The following MRC1 variants were observed in gnomAD, a reference collection of about 807,000 sequenced individuals.
MRC1 encodes mannose receptor C-type 1, also known as macrophage mannose receptor 1.
In MRC1, 62 loss-of-function variants were observed where a neutral mutation model predicts 102.9. The observed-to-expected ratio is 0.60, with a 90% CI of 0.49 to 0.74. The LOEUF is 0.74. Ranked by LOEUF, MRC1 falls within the 30% of genes least tolerant of loss-of-function variation. The pLI is 0.00. For missense variants in MRC1, 1,237 were observed against 862.8 expected, an observed-to-expected ratio of 1.43 and a Z score of -5.43; for synonymous variants, 457 against 298.4, an observed-to-expected ratio of 1.53 and a Z score of -5.48.
rs1211823339 is a variant in MRC1, at chr10:17,840,977, T to A, written c.916+171T>A. On this transcript the variant is annotated intron_variant, in intron 5 of 29. Transcript: ENST00000569591. ...CTATGCTAGATTTCCATTTACTGAATTGTAAGGTTATACCAGCTTCCTGGG... is the reference window on the plus strand; with the variant it reads ...CTATGCTAGATTTCCATTTACTGAAATGTAAGGTTATACCAGCTTCCTGGG... 7.9e-5 allele frequency among the ~76,000 whole-genome samples: 12 copies of A among 152,344 alleles called. No homozygotes were observed. The East Asian group carries it at 2.3e-3, about 29-fold the overall frequency.
chr10:17,809,457 C>A lies in MRC1; in HGVS notation c.-9C>A, dbSNP rs1007341911. On this transcript the variant is annotated 5_prime_UTR_variant, in exon 1 of 30. Coordinates refer to ENST00000569591, the MANE Select transcript of MRC1 (RefSeq NM_002438.4). Reference sequence around the variant, plus strand: ...TCCATCAGGAGAAGGAAAGGATAAACCCTGGGCCATGAGGCTACCCCTGCT... The same window carrying A: ...TCCATCAGGAGAAGGAAAGGATAAAACCTGGGCCATGAGGCTACCCCTGCT... The A allele has an allele frequency of 6.1e-5, 53 of 872,612 alleles. No individual in the cohort carries two copies. Among genetic ancestry groups the A allele is most frequent in the Middle Eastern group, 2.2e-4 (1 of 4,626 alleles). The allele number at this position is 872,612 out of a possible 1,614,324, so 54.1% of individuals were successfully genotyped here. A position where few individuals can be genotyped will look rare whatever the true frequency, so the allele number is the denominator to read the frequency against.
chr10:17,830,402 G>A (rs1206703125), intron 3 of MRC1, among the ~76,000 whole-genome samples: 1 of 151,400 alleles, frequency 6.6e-6, no homozygotes, highest in African/African-American at 2.5e-5. Flanking sequence ...AAAGTGTTGG[G>A]ATTACAGGTG....
chr10:17,817,096 A>C (rs950055584), intron 1 of MRC1, among the ~76,000 whole-genome samples: 8 of 151,938 alleles, frequency 5.3e-5, no homozygotes, highest in Non-Finnish European at 8.8e-5. Flanking sequence ...AAAAATACAA[A>C]AATTAGCTGG....
intron 11 of MRC1, among the ~76,000 whole-genome samples, chr10:17,864,599 C>G (rs1485148974): frequency 1.3e-5 from 2 of 151,876 alleles, no homozygotes; most frequent in Non-Finnish European, 2.9e-5. Context: ...GAGGCAGAGG[C>G]GGGCAGATCA....
At chr10:17,811,518 A>ACC (rs58447754) in intron 1 of MRC1, among the ~76,000 whole-genome samples, 6 of 150,956 alleles carry the variant, frequency 4.0e-5, no homozygotes, top group East Asian at 2.0e-4. Context: ...AATTCAAGGG[A>ACC]CCCCCCTTCC....
chr10:17,901,917 TAC>T, intron 25 of MRC1, 54 bp from the exon 26 acceptor site: 1 of 780,840 alleles, frequency 1.3e-6, no homozygotes, highest in Non-Finnish European at 2.4e-6. Context: ...TGTATGATGC[TAC>T]ACACTACAGA....
Position 17,898,290 on chromosome 10 carries a change from A to G in MRC1, c.3483+24A>G. 3.8e-6 allele frequency: 3 copies of G among 780,786 alleles called. No homozygotes were observed. In the East Asian group the frequency reaches 7.3e-5, roughly 19 times the overall value. The allele number at this position is 780,786 out of a possible 1,614,324, so 48.4% of individuals were successfully genotyped here. On this transcript the variant is annotated intron_variant, in intron 24 of 29. Coordinates refer to ENST00000569591, the MANE Select transcript of MRC1 (RefSeq NM_002438.4). ...TGGTAAGATGCTGGAAATATGTGCA[A>G]CTTGACATGATCAGTGAATTATGGT...
intron 1 of MRC1, among the ~76,000 whole-genome samples, chr10:17,812,745 C>G (rs1838244238): frequency 6.6e-6 from 1 of 151,620 alleles, no homozygotes; most frequent in Non-Finnish European, 1.5e-5. Flanking sequence ...CTAATTTTTT[C>G]TATTTTTAGT....
intron 1 of MRC1, among the ~76,000 whole-genome samples, chr10:17,811,993 C>A (rs139798921): frequency 6.6e-6 from 1 of 152,146 alleles, no homozygotes; most frequent in Non-Finnish European, 1.5e-5. Context: ...TATGCGAAGC[C>A]CCAACACCTC....
At chr10:17,852,798 G>T (rs1386715555) in intron 7 of MRC1, among the ~76,000 whole-genome samples, 169 bp from the exon 8 acceptor site, 7 of 152,230 alleles carry the variant, frequency 4.6e-5, no homozygotes, top group Admixed American at 1.3e-4. Context: ...CATCTAAGTC[G>T]ACAGCATGTA....
intron 10 of MRC1, among the ~76,000 whole-genome samples, chr10:17,862,572 A>G (rs1393971008): frequency 1.3e-5 from 2 of 152,084 alleles, no homozygotes; most frequent in South Asian, 2.1e-4. Context: ...ATCTTCTGTA[A>G]TATTTATACT....
At position 17,866,542 on chromosome 10, in the gene MRC1, A is replaced by T. The variant is rs782566500; in HGVS notation, c.1784-20A>T. On this transcript the variant is annotated intron_variant, in intron 11 of 29. Transcript: ENST00000569591. ...AGCAGGCACCTGTCAAGTGAATTCT[A>T]CTTCATATATTTAATGCAGGGCGAA... The T allele has an allele frequency of 1.3e-6, 1 of 780,800 alleles. No individual in the cohort carries two copies. The highest frequency in any genetic ancestry group is 2.4e-5 in the East Asian group (1 of 41,240). 48.4% of individuals were successfully genotyped at this position (780,800 alleles called of 1,614,324 possible). A position where few individuals can be genotyped will look rare whatever the true frequency, so the allele number is the denominator to read the frequency against.
intron 6 of MRC1, 63 bp downstream of exon 6, chr10:17,845,498 A>G: frequency 2.6e-6 from 2 of 776,880 alleles, no homozygotes; most frequent in African/African-American, 1.7e-5. Context: ...GTAACATTAC[A>G]GCTTAGGTGT....
At chr10:17,819,252 A>G (rs2130583142) in intron 1 of MRC1, among the ~76,000 whole-genome samples, 1 of 152,322 alleles carries the variant, frequency 6.6e-6, no homozygotes, top group African/African-American at 2.4e-5. Context: ...TATATTAGGT[A>G]GGTTTTGCAA....
At chr10:17,861,016 A>G (rs1383841464) in intron 9 of MRC1, among the ~76,000 whole-genome samples, 1 of 152,212 alleles carries the variant, frequency 6.6e-6, no homozygotes, top group African/African-American at 2.4e-5. Flanking sequence ...GTATTAAAAT[A>G]TTATTTTCTA....
At position 17,881,670 on chromosome 10, in the gene MRC1, A is replaced by ATTTTTTT. The variant is rs1184943960; in HGVS notation, c.2980+506_2980+512dup. On this transcript the variant is annotated intron_variant, in intron 21 of 29. Coordinates refer to ENST00000569591, the MANE Select transcript of MRC1 (RefSeq NM_002438.4). ...AAATATGAACTTTGAACAAATTTTG[A>ATTTTTTT]TTTTTTTTTTTTTTTTTTTTTTTGG... 5.2e-4 allele frequency among the ~76,000 whole-genome samples: 53 copies of ATTTTTTT among 102,764 alleles called. 2 individuals carry two copies. Among genetic ancestry groups the ATTTTTTT allele is most frequent in the African/African-American group, 1.4e-3 (34 of 24,200 alleles). 67.4% of individuals were successfully genotyped at this position (102,764 alleles called of 152,430 possible).
chr10:17,884,927 G>A (rs943032999), intron 21 of MRC1, among the ~76,000 whole-genome samples: 2 of 152,150 alleles, frequency 1.3e-5, no homozygotes, highest in African/African-American at 2.4e-5. Flanking sequence ...TAATCCATAC[G>A]GTGACTTTTT....
intron 12 of MRC1, 59 bp downstream of exon 12, chr10:17,866,820 C>T (rs1455629351): frequency 3.8e-6 from 3 of 779,942 alleles, no homozygotes; most frequent in Admixed American, 1.7e-5. Flanking sequence ...CCTAAAGAAT[C>T]ATCTAAGGAC....
chr10:17,897,539 C>T (rs895318024), intron 23 of MRC1, among the ~76,000 whole-genome samples: 67 of 149,472 alleles, frequency 4.5e-4, no homozygotes, highest in Middle Eastern at 3.4e-3. Flanking sequence ...AATCTACACC[C>T]GTTACCTGAA....
Sources: allele counts gnomAD v4.1 joint callset (sites outside exome capture counted in the v4.1 genomes callset), GRCh38; gene constraint gnomAD v4.1.1; transcripts MANE v1.5; gene names NCBI Gene and HGNC (gene_info 2026-07-23, HGNC 2026-07-21).